ERC2: variants seen among roughly 807,000 people sequenced by gnomAD.
The protein encoded by ERC2 is ELKS/RAB6-interacting/CAST family member 2.
In ERC2, 42 loss-of-function variants were observed where a neutral mutation model predicts 114.8. That is an observed-to-expected ratio of 0.37 (90% confidence interval 0.29 to 0.47). The LOEUF is 0.47. Among genes scored for constraint, ERC2 ranks in the 20% least tolerant of loss-of-function variants. ERC2 has a pLI of 0.99. For synonymous variants in ERC2, 454 were observed against 425.5 expected (o/e 1.07, Z -0.82); for missense variants, 939 against 1,150.7 (o/e 0.82, Z 2.66).
intron 4 of ERC2, among the ~76,000 whole-genome samples, chr3:56,156,531 G>A (rs73080408): frequency 0.012 from 1,892 of 152,190 alleles, 13 homozygotes; most frequent in Non-Finnish European, 0.015. Flanking sequence ...TGAATTTGGG[G>A]ACCCCTAGGT....
At chr3:55,960,400 C>T (rs918950592) in intron 12 of ERC2, among the ~76,000 whole-genome samples, 5 of 152,100 alleles carry the variant, frequency 3.3e-5, no homozygotes, top group African/African-American at 1.2e-4. Context: ...GGATTCCTCT[C>T]CACAGCCACC....
intron 10 of ERC2, among the ~76,000 whole-genome samples, chr3:56,000,893 TAA>T (rs58057703): frequency 4.4e-4 from 61 of 137,672 alleles, no homozygotes; most frequent in African/African-American, 6.1e-4. Context: ...GTCTTAAGTT[TAA>T]AAAAAAAAAA....
At chr3:56,332,301 A>G (rs1386984605) in intron 2 of ERC2, among the ~76,000 whole-genome samples, 2 of 152,320 alleles carry the variant, frequency 1.3e-5, no homozygotes, top group Middle Eastern at 3.4e-3. Context: ...AGCTCATACA[A>G]TCTCAGAGTC....
intron 7 of ERC2, among the ~76,000 whole-genome samples, chr3:56,076,654 C>A (rs945216300): frequency 1.3e-5 from 2 of 152,154 alleles, no homozygotes; most frequent in Non-Finnish European, 2.9e-5. Context: ...CAGAGTACAG[C>A]CAAAAGTATG....
At chr3:55,953,981 A>T (rs1394476190) in intron 12 of ERC2, among the ~76,000 whole-genome samples, 1 of 150,902 alleles carries the variant, frequency 6.6e-6, no homozygotes, top group Non-Finnish European at 1.5e-5. Flanking sequence ...TGGAGACTGC[A>T]ATGCCTTCTT....
chr3:55,967,150 T>C (rs2068804027), intron 12 of ERC2, among the ~76,000 whole-genome samples: 4 of 152,202 alleles, frequency 2.6e-5, no homozygotes, highest in Admixed American at 2.6e-4. Flanking sequence ...ATTTGAGAAA[T>C]AACTAAAGTT....
At chr3:55,992,809 G>A (rs1040977784) in intron 10 of ERC2, among the ~76,000 whole-genome samples, 3 of 152,186 alleles carry the variant, frequency 2.0e-5, no homozygotes, top group Admixed American at 2.0e-4. Context: ...AGGCTTGGAG[G>A]TGAGGAAGGG....
rs576227285 is a variant in ERC2, at chr3:56,425,366, C to A, written c.657+8985G>T. Among the ~76,000 whole-genome samples the A allele has an allele frequency of 1.1e-4, 16 of 152,168 alleles. No individual in the cohort carries two copies. The Middle Eastern group carries it at 0.01, about 97-fold the overall frequency. On this transcript the variant is annotated intron_variant, in intron 2 of 17. Coordinates refer to ENST00000288221, the MANE Select transcript of ERC2 (RefSeq NM_015576.3). ...ACCCTAGGGTACTGGCAACCAAGAC[C>A]GCCCACCACACAGAGGAAAAAATGA...
intron 5 of ERC2, among the ~76,000 whole-genome samples, chr3:56,143,587 T>C (rs181739223): frequency 1.0e-3 from 158 of 152,312 alleles, no homozygotes; most frequent in African/African-American, 3.7e-3. Context: ...TCCACCATGA[T>C]TGTGAGGCCT....
Position 56,435,137 on chromosome 3 carries a change from CACTCA to C in ERC2, c.-135_-131del. On this transcript the variant is annotated 5_prime_UTR_variant, in exon 2 of 18. An upstream open reading frame in the 5' UTR loses its in-frame stop. Transcript: ENST00000288221. ...CACAGTCCGTACCAGAAAATAACTC[CACTCA>C]GAGATCTACAAAGTGAAAAAAAGAA... 1.5e-6 allele frequency: 1 copy of C among 647,474 alleles called. No homozygotes were observed. Among genetic ancestry groups the C allele is most frequent in the South Asian group, 2.2e-5 (1 of 46,348 alleles). The allele number at this position is 647,474 out of a possible 1,614,324, so 40.1% of individuals were successfully genotyped here.
intron 17 of ERC2, among the ~76,000 whole-genome samples, chr3:55,677,920 C>T (rs969526484): frequency 6.6e-6 from 1 of 152,150 alleles, no homozygotes; most frequent in Non-Finnish European, 1.5e-5. Context: ...TTGTTCACTA[C>T]CTTGACTCAG....
intron 17 of ERC2, among the ~76,000 whole-genome samples, chr3:55,669,706 G>A: frequency 6.6e-6 from 1 of 152,146 alleles, no homozygotes; most frequent in African/African-American, 2.4e-5. Context: ...TTTTTTATTG[G>A]CTGGACAGTT....
intron 14 of ERC2, among the ~76,000 whole-genome samples, chr3:55,776,174 T>C (rs1294004562): frequency 6.7e-6 from 1 of 150,072 alleles, no homozygotes; most frequent in Non-Finnish European, 1.5e-5. Context: ...GAAAGTTTAG[T>C]AACTGACCAA....
At chr3:55,556,486 G>C (rs59990236) in intron 17 of ERC2, among the ~76,000 whole-genome samples, 39,550 of 152,040 alleles carry the variant, frequency 0.26, 5,199 homozygotes, top group South Asian at 0.32. Context: ...TCCAGACATA[G>C]AGCATATGAC....
intron 5 of ERC2, 91 bp downstream of exon 5, chr3:56,148,886 T>G: frequency 8.7e-7 from 1 of 1,153,366 alleles, no homozygotes; most frequent in Non-Finnish European, 1.2e-6. Flanking sequence ...ACATAAAGCA[T>G]ATTATATGGA....
intron 6 of ERC2, among the ~76,000 whole-genome samples, chr3:56,108,898 T>C (rs889267026): frequency 3.3e-5 from 5 of 152,000 alleles, no homozygotes; most frequent in Non-Finnish European, 7.4e-5. Flanking sequence ...AGATGAGAAA[T>C]AATATGAAGA....
chr3:55,934,176 T>G (rs887914619), intron 13 of ERC2, among the ~76,000 whole-genome samples: 4 of 152,182 alleles, frequency 2.6e-5, no homozygotes, highest in Non-Finnish European at 5.9e-5. Flanking sequence ...TTCTAAAAAT[T>G]TATGATGCTG....
chr3:56,313,032 A>ATATATATATATATG (rs2056679346), intron 2 of ERC2, among the ~76,000 whole-genome samples: 2 of 134,364 alleles, frequency 1.5e-5, no homozygotes, highest in Admixed American at 7.5e-5. Context: ...ATATATATAT[A>ATATATATATATATG]TATATGGGGT....
At chr3:56,405,422 A>G (rs1389368469) in intron 2 of ERC2, among the ~76,000 whole-genome samples, 2 of 152,018 alleles carry the variant, frequency 1.3e-5, no homozygotes, top group Admixed American at 6.5e-5. Context: ...GCAAGAATCC[A>G]TCTCAAAAAA....
Sources: allele counts gnomAD v4.1 joint callset (sites outside exome capture counted in the v4.1 genomes callset), GRCh38; gene constraint gnomAD v4.1.1; transcripts MANE v1.5; gene names NCBI Gene and HGNC (gene_info 2026-07-23, HGNC 2026-07-21).